Variants in PCDHA10 observed in about 807,000 individuals in gnomAD.
PCDHA10 encodes the protein protocadherin alpha 10.
PCDHA10 carries 45 observed loss-of-function variants against 61.2 expected under a neutral mutation model. The observed-to-expected ratio is 0.74, with a 90% CI of 0.58 to 0.94. The LOEUF (loss-of-function observed/expected upper bound fraction) is 0.94. PCDHA10 is among the 40% of genes least tolerant of loss of function. The pLI, the probability that PCDHA10 is intolerant of heterozygous loss-of-function variation, is 0.00. For synonymous variants in PCDHA10, 602 were observed against 548.8 expected (o/e 1.10, Z -1.35); for missense variants, 1,278 against 1,236.2 (o/e 1.03, Z -0.51).
chr5:140,871,476 G>A (rs1437006996), intron 1 of PCDHA10: 1 of 1,598,568 alleles, frequency 6.3e-7, no homozygotes, highest in Admixed American at 1.7e-5. Flanking sequence ...AGGAGCCAGG[G>A]TCAAATCACC....
At position 140,884,483 on chromosome 5, in the gene PCDHA10, C is replaced by G. The variant is rs376374275; in HGVS notation, c.2388+26047C>G. The G allele has an allele frequency of 3.7e-6, 6 of 1,613,980 alleles. 1 individual carries two copies. In the South Asian group the frequency reaches 5.5e-5, roughly 15 times the overall value. On this transcript the variant is annotated intron_variant, in intron 1 of 3. Coordinates refer to ENST00000307360, the MANE Select transcript of PCDHA10 (RefSeq NM_018901.4). The stretch of plus-strand genomic sequence containing the variant: ...CGCGTGCGCGCCGGGCAAGCCCACT[C>G]TAGTGTGCTCCAGCGCGGCAGGGAG...
At chr5:140,910,854 T>G (rs2075197535) in intron 1 of PCDHA10, among the ~76,000 whole-genome samples, 1 of 152,212 alleles carries the variant, frequency 6.6e-6, no homozygotes, top group East Asian at 1.9e-4. Flanking sequence ...GGATCTATGT[T>G]CCATCCACCA....
chr5:141,011,228 A>T lies in PCDHA10; in HGVS notation c.*1291A>T, dbSNP rs2098419864. 1 of 153,664 alleles carries T rather than the reference A, an allele frequency of 6.5e-6. No homozygotes were observed. The highest frequency in any genetic ancestry group is 1.5e-5 in the Non-Finnish European group (1 of 68,016). 9.5% of individuals were successfully genotyped at this position (153,664 alleles called of 1,614,324 possible). On this transcript the variant is annotated 3_prime_UTR_variant, in exon 4 of 4. Coordinates refer to ENST00000307360, the MANE Select transcript of PCDHA10 (RefSeq NM_018901.4). The stretch of plus-strand genomic sequence containing the variant: ...CAGTGAGCAGATTTTTCAATCTACT[A>T]ATTCTGTGACTTGTCTTGGTGTGCT...
rs1563185469 is a variant in PCDHA10 at position 140,941,211 on chromosome 5, CTTCCTTT to C, written c.2389-37737_2389-37731del. On this transcript the variant is annotated intron_variant, in intron 1 of 3. Coordinates refer to ENST00000307360, the MANE Select transcript of PCDHA10 (RefSeq NM_018901.4). The stretch of plus-strand genomic sequence containing the variant: ...TTTTTTTTTCTTTCTTCCTTTCTTT[CTTCCTTT>C]CTTTCTTTCTTTCTTTCTTTCTTTC... Among the ~76,000 whole-genome samples, 1,009 of 129,652 alleles carry C rather than the reference CTTCCTTT, an allele frequency of 7.8e-3. 14 individuals are homozygous for C. Among genetic ancestry groups the C allele is most frequent in the Middle Eastern group, 0.036 (9 of 248 alleles). 85.1% of individuals were successfully genotyped at this position (129,652 alleles called of 152,430 possible).
At chr5:140,868,967 A>C (rs2050769969) in intron 1 of PCDHA10, 2 of 1,435,752 alleles carry the variant, frequency 1.4e-6, no homozygotes, top group South Asian at 1.4e-5. Flanking sequence ...ATACAAAGGA[A>C]CTCCATCATA....
rs782552456 is a variant in PCDHA10, at chr5:140,870,511, G to T, written c.2388+12075G>T. On this transcript the variant is annotated intron_variant, in intron 1 of 3. Transcript: ENST00000307360. ...GTTCGTGAAGGAGAACAACCCACCA[G>T]GCTGCCACATCTTCACAGTGTCGGC... 9.9e-6 allele frequency: 16 copies of T among 1,614,242 alleles called. No homozygotes were observed. The highest frequency in any genetic ancestry group is 1.3e-5 in the Non-Finnish European group (15 of 1,180,048).
chr5:140,887,540 C>T (rs1039020160), intron 1 of PCDHA10, among the ~76,000 whole-genome samples: 1 of 152,100 alleles, frequency 6.6e-6, no homozygotes. Flanking sequence ...CTCTCCCCAC[C>T]CCTCATGGTT....
At chr5:140,929,410 C>G (rs2086136493) in intron 1 of PCDHA10, 1 of 1,505,808 alleles carries the variant, frequency 6.6e-7, no homozygotes, top group Non-Finnish European at 8.9e-7. Context: ...ACAAGCCTTT[C>G]ACAACATTTC....
At chr5:140,866,122 C>T (rs556292123) in intron 1 of PCDHA10, 1 of 152,178 alleles carries the variant, frequency 6.6e-6, no homozygotes, top group East Asian at 1.9e-4. Flanking sequence ...CTTATAAGAA[C>T]TACGTATCTG....
intron 1 of PCDHA10, among the ~76,000 whole-genome samples, chr5:140,872,410 T>A (rs2053645814): frequency 6.6e-6 from 1 of 152,110 alleles, no homozygotes; most frequent in South Asian, 2.1e-4. Flanking sequence ...GAGAATTGCT[T>A]GAGCCCAAGA....
intron 1 of PCDHA10, among the ~76,000 whole-genome samples, chr5:140,946,411 A>G (rs1554217552): frequency 1.1e-4 from 16 of 151,766 alleles, no homozygotes. Context: ...ATCATAGAAA[A>G]CAATATGGAG....
intron 1 of PCDHA10, chr5:140,928,901 T>A (rs781842258): frequency 6.2e-7 from 1 of 1,614,212 alleles, no homozygotes. Flanking sequence ...TTTGAAGATG[T>A]CTGGGAACCA....
In PCDHA10 at chr5:140,870,852, G is replaced by T. The variant is rs782301779; in HGVS notation, c.2388+12416G>T. 6 of 1,613,862 alleles carry T rather than the reference G, an allele frequency of 3.7e-6. 1 individual carries two copies. The South Asian group carries it at 6.6e-5, about 18-fold the overall frequency. On this transcript the variant is annotated intron_variant, in intron 1 of 3. Coordinates refer to ENST00000307360, the MANE Select transcript of PCDHA10 (RefSeq NM_018901.4). ...CAGTTAACAAGCTAGTACCGCGGTC[G>T]GTGGGTGCGGGCCACGTGGTGGCGA...
At chr5:140,860,385 A>T (rs2046366779) in intron 1 of PCDHA10, 1 of 152,142 alleles carries the variant, frequency 6.6e-6, no homozygotes, top group African/African-American at 2.4e-5. Flanking sequence ...TATTTCAAAA[A>T]TTGAAAAAAG....
intron 1 of PCDHA10, among the ~76,000 whole-genome samples, chr5:140,977,826 T>C (rs1554238818): frequency 1.3e-5 from 2 of 152,208 alleles, no homozygotes; most frequent in Admixed American, 6.5e-5. Flanking sequence ...TTTTGAATGG[T>C]CTATTGATAT....
chr5:140,934,001 T>A (rs2089559391), intron 1 of PCDHA10, among the ~76,000 whole-genome samples: 1 of 152,066 alleles, frequency 6.6e-6, no homozygotes, highest in Admixed American at 6.6e-5. Context: ...TCACCTCTCA[T>A]TTTTCTTGAC....
rs374986437 is a variant in PCDHA10 at position 140,856,040 on chromosome 5, A to T, written c.-9A>T. The T allele has an allele frequency of 2.5e-6, 4 of 1,569,320 alleles. No individual in the cohort carries two copies. The highest frequency in any genetic ancestry group is 3.5e-6 in the Non-Finnish European group (4 of 1,151,438). Reference sequence around the variant, plus strand: ...GATTCGTCGATTTGTAAAACAAGAGAAGGATAAGATGGTTTCCAGATGTAG... The same window carrying T: ...GATTCGTCGATTTGTAAAACAAGAGTAGGATAAGATGGTTTCCAGATGTAG... On this transcript the variant is annotated 5_prime_UTR_variant, in exon 1 of 4. Coordinates refer to ENST00000307360, the MANE Select transcript of PCDHA10 (RefSeq NM_018901.4).
chr5:140,927,245 A>G (rs1197319664), intron 1 of PCDHA10: 6 of 1,613,948 alleles, frequency 3.7e-6, no homozygotes, highest in South Asian at 2.2e-5. Flanking sequence ...CTGGACACCA[A>G]TGACAACTCA....
intron 1 of PCDHA10, among the ~76,000 whole-genome samples, chr5:140,975,016 G>C (rs782435284): frequency 6.6e-6 from 1 of 152,128 alleles, no homozygotes; most frequent in Non-Finnish European, 1.5e-5. Context: ...AACACAGCTG[G>C]GCTGTGTTGT....
Sources: gnomAD v4.1 joint callset for allele counts (sites outside exome capture counted in the v4.1 genomes callset) on GRCh38, gnomAD v4.1.1 for gene constraint, MANE v1.5 for transcripts, NCBI Gene and HGNC (gene_info 2026-07-23, HGNC 2026-07-21) for gene names.